PCSK6: variants seen among roughly 807,000 people sequenced by gnomAD.
PCSK6 encodes proprotein convertase subtilisin/kexin type 6, also known as paired basic amino acid cleaving enzyme 4.
A neutral mutation model predicts 123.3 loss-of-function variants in PCSK6; 85 were observed. The ratio of observed to expected loss-of-function variants is 0.69; its 90% confidence interval spans 0.58 to 0.83. The LOEUF (loss-of-function observed/expected upper bound fraction) is 0.83. Among genes scored for constraint, PCSK6 ranks in the 40% least tolerant of loss-of-function variants. The pLI is 0.00. For synonymous variants in PCSK6, 508 were observed against 516.0 expected (o/e 0.98, Z 0.21); for missense variants, 1,191 against 1,282.3 (o/e 0.93, Z 1.09).
In PCSK6 at chr15:101,476,838, G is replaced by A. The variant is rs76562085; in HGVS notation, c.297+12536C>T. Among the ~76,000 whole-genome samples the A allele has an allele frequency of 6.1e-3, 921 of 152,214 alleles. 11 individuals are homozygous for A. Among genetic ancestry groups the A allele is most frequent in the African/African-American group, 0.018 (744 of 41,526 alleles). ...TATAATTTTTTAAATAAAAATGCTC[G>A]ATAAAATCCTAATGAGTTGAACTGA... On this transcript the variant is annotated intron_variant, in intron 1 of 21. Transcript: ENST00000611716.
intron 6 of PCSK6, among the ~76,000 whole-genome samples, chr15:101,412,541 A>C (rs1266830961): frequency 2.0e-5 from 3 of 151,894 alleles, no homozygotes; most frequent in Non-Finnish European, 2.9e-5. Context: ...AGAAAGTCTC[A>C]ATAAAGAAAC....
intron 13 of PCSK6, among the ~76,000 whole-genome samples, chr15:101,361,693 G>A (rs2041227316): frequency 6.6e-6 from 1 of 152,200 alleles, no homozygotes; most frequent in African/African-American, 2.4e-5. Flanking sequence ...TAAGAGCTGT[G>A]GGAGGTCATT....
rs149574295 is a variant in PCSK6 at position 101,423,345 on chromosome 15, C to T, written c.823+4547G>A. On this transcript the variant is annotated intron_variant, in intron 6 of 21. Coordinates refer to ENST00000611716, the MANE Select transcript of PCSK6 (RefSeq NM_002570.5). ...TATGATCTCAGCTCACTGCAACCTC[C>T]GCCTCCCAGGTCTAAGCCAATTCTC... is the stretch of plus-strand genomic sequence containing the variant. Among the ~76,000 whole-genome samples the T allele has an allele frequency of 6.5e-3, 987 of 151,688 alleles. 6 individuals carry two copies. The highest frequency in any genetic ancestry group is 0.026 in the South Asian group (125 of 4,772).
At chr15:101,365,975 G>T in intron 13 of PCSK6, 1 of 411,804 alleles carries the variant, frequency 2.4e-6, no homozygotes, top group Non-Finnish European at 4.2e-6. Context: ...AAACATTCTG[G>T]AATTAGATAG....
intron 9 of PCSK6, among the ~76,000 whole-genome samples, chr15:101,385,813 A>T (rs2042045562): frequency 6.6e-6 from 1 of 152,220 alleles, no homozygotes. Context: ...TTTTTGCCCT[A>T]TCAAACAGCT....
intron 6 of PCSK6, among the ~76,000 whole-genome samples, chr15:101,425,485 G>C (rs1295670150): frequency 1.3e-5 from 2 of 152,144 alleles, no homozygotes; most frequent in Non-Finnish European, 2.9e-5. Context: ...TTTATTGTTA[G>C]TTGTCACTCA....
At chr15:101,442,272 G>C (rs2056773655) in intron 2 of PCSK6, among the ~76,000 whole-genome samples, 1 of 152,128 alleles carries the variant, frequency 6.6e-6, no homozygotes, top group Admixed American at 6.5e-5. Flanking sequence ...AATGGAATTA[G>C]CACAATGTTT....
chr15:101,413,836 G>T (rs56002305), intron 6 of PCSK6, among the ~76,000 whole-genome samples: 1 of 149,192 alleles, frequency 6.7e-6, no homozygotes, highest in Non-Finnish European at 1.5e-5. Flanking sequence ...ATCAATAAAA[G>T]AAAAAAGAGG....
chr15:101,446,973 C>T (rs956705002), intron 1 of PCSK6, among the ~76,000 whole-genome samples: 10 of 152,172 alleles, frequency 6.6e-5, no homozygotes, highest in African/African-American at 2.4e-4. Context: ...AGGTTTTCAT[C>T]ACGGGCAAAA....
At chr15:101,384,535 C>G in intron 9 of PCSK6, 110 bp from the exon 10 acceptor site, 1 of 771,474 alleles carries the variant, frequency 1.3e-6, no homozygotes, top group Non-Finnish European at 2.1e-6. Flanking sequence ...CTTCAGCAAG[C>G]CCCTCAGGCT....
intron 11 of PCSK6, among the ~76,000 whole-genome samples, chr15:101,378,789 T>C (rs2041825433): frequency 6.6e-6 from 1 of 152,240 alleles, no homozygotes; most frequent in East Asian, 1.9e-4. Context: ...ATGTGCAGTG[T>C]CCAGGTGAGA....
chr15:101,426,081 G>A (rs2056246148), intron 6 of PCSK6, among the ~76,000 whole-genome samples: 1 of 152,152 alleles, frequency 6.6e-6, no homozygotes, highest in African/African-American at 2.4e-5. Context: ...GGACTTGGGG[G>A]AGCAAGGCTC....
chr15:101,422,749 G>A (rs1012465305), intron 6 of PCSK6, among the ~76,000 whole-genome samples: 4 of 151,880 alleles, frequency 2.6e-5, no homozygotes, highest in African/African-American at 4.8e-5. Flanking sequence ...AGCCTCCCAA[G>A]TAGCTGGGAC....
chr15:101,479,123 C>A (rs181063117), intron 1 of PCSK6, among the ~76,000 whole-genome samples: 2 of 152,186 alleles, frequency 1.3e-5, no homozygotes, highest in South Asian at 2.1e-4. Context: ...GAGAGAGACA[C>A]CCCGCACGCC....
intron 1 of PCSK6, among the ~76,000 whole-genome samples, chr15:101,448,182 A>G (rs1326939604): frequency 2.0e-5 from 3 of 152,252 alleles, no homozygotes; most frequent in Non-Finnish European, 4.4e-5. Context: ...AATTTGCTGA[A>G]TACAGGGTGC....
In PCSK6 at chr15:101,432,175, A is replaced by G. The variant is rs891904944; in HGVS notation, c.403-75T>C. ...TTTATGTAGCCTCTTTGCAGGTGCT[A>G]CAGCCTTCCTTGTGCGTGAATATCT... On this transcript the variant is annotated intron_variant, in intron 2 of 21. Coordinates refer to ENST00000611716, the MANE Select transcript of PCSK6 (RefSeq NM_002570.5). 3.3e-6 allele frequency: 4 copies of G among 1,217,500 alleles called. No individual in the cohort carries two copies. The East Asian group carries it at 1.0e-4, about 31-fold the overall frequency. 75.4% of individuals were successfully genotyped at this position (1,217,500 alleles called of 1,614,324 possible). A position where few individuals can be genotyped will look rare whatever the true frequency, so the allele number is the denominator to read the frequency against.
At chr15:101,453,379 A>G (rs2057085319) in intron 1 of PCSK6, among the ~76,000 whole-genome samples, 2 of 152,120 alleles carry the variant, frequency 1.3e-5, no homozygotes, top group South Asian at 4.2e-4. Context: ...GTTAGTGGGA[A>G]TGGATTTGAG....
intron 9 of PCSK6, among the ~76,000 whole-genome samples, chr15:101,389,057 AAT>A (rs1328572446): frequency 6.6e-6 from 1 of 152,370 alleles, no homozygotes; most frequent in East Asian, 1.9e-4. Context: ...GCCCTAATCC[AAT>A]ATGACCAGTG....
At chr15:101,384,720 C>A (rs546185689) in intron 9 of PCSK6, among the ~76,000 whole-genome samples, 1 of 152,304 alleles carries the variant, frequency 6.6e-6, no homozygotes, top group South Asian at 2.1e-4. Flanking sequence ...ATGGGAAATT[C>A]TGAAAATACA....
Sources: allele counts gnomAD v4.1 joint callset (sites outside exome capture counted in the v4.1 genomes callset), GRCh38; gene constraint gnomAD v4.1.1; transcripts MANE v1.5; gene names NCBI Gene and HGNC (gene_info 2026-07-23, HGNC 2026-07-21).